The following SIDT2 variants were observed in gnomAD, a reference collection of about 807,000 sequenced individuals.
The protein encoded by SIDT2 is SID1 transmembrane family member 2, also known as SID1 transmembrane family, member 2.
SIDT2 carries 68 observed loss-of-function variants against 114.4 expected under a neutral mutation model. That is an observed-to-expected ratio of 0.59 (90% CI 0.49 to 0.73). The LOEUF (loss-of-function observed/expected upper bound fraction) is 0.73. Among genes scored for constraint, SIDT2 ranks in the 30% least tolerant of loss-of-function variants. The probability of loss-of-function intolerance (pLI) is 0.00; values close to 1 mark genes in which losing one functional copy is unlikely to be tolerated. For synonymous variants in SIDT2, 470 were observed against 438.4 expected, an observed-to-expected ratio of 1.07 and a Z score of -0.90; for missense variants, 918 against 1,097.1, an observed-to-expected ratio of 0.84 and a Z score of 2.31.
chr11:117,182,791 G>T lies in SIDT2; in HGVS notation c.687G>T (p.Ala229=). 1 of 1,613,904 alleles carries T rather than the reference G, an allele frequency of 6.2e-7. No individual in the cohort carries two copies. Among genetic ancestry groups the T allele is most frequent in the Non-Finnish European group, 8.5e-7 (1 of 1,179,926 alleles). ...TGTACCAGACGATGACCAAGAAGGC[G>T]GCCATCACCGTACAGGTAGGAAATG... The part of the protein sequence containing the change: ...IGMYQTMTKK[A]AITVQRKDFP... The change falls in exon 6 of 26, where the codon GCG becomes GCT. Residue 229 remains alanine, a synonymous_variant. Transcript: ENST00000324225.
rs1591769202 is a variant in SIDT2 at position 117,188,023 on chromosome 11, G to A, written c.1159+324G>A. 2 of 570,634 alleles carry A rather than the reference G, an allele frequency of 3.5e-6. No individual in the cohort carries two copies. Among genetic ancestry groups the A allele is most frequent in the Non-Finnish European group, 6.7e-6 (2 of 300,506 alleles). 35.3% of individuals were successfully genotyped at this position (570,634 alleles called of 1,614,324 possible). On this transcript the variant is annotated intron_variant, in intron 12 of 25. Coordinates refer to ENST00000324225, the MANE Select transcript of SIDT2 (RefSeq NM_001040455.2). This position sits in a 1 kb window ranked among gnomAD's most constrained non-coding sequence, Gnocchi z 4.0. The stretch of plus-strand genomic sequence containing the variant: ...TGCCGGCTCCGGTTGACTGCCGGCT[G>A]TGGGGCCAGAAAGATTCTATGTGCA...
At position 117,192,103 on chromosome 11, in the gene SIDT2, T is replaced by G. The variant is rs550044684; in HGVS notation, c.1872+89T>G. ...GTAGTGCACACCCTCCGCCACCTCC[T>G]GCATGAGAGATTCCTGCTCCTTCCC... On this transcript the variant is annotated intron_variant, in intron 19 of 25. Coordinates refer to ENST00000324225, the MANE Select transcript of SIDT2 (RefSeq NM_001040455.2). This position sits in a 1 kb window ranked among gnomAD's most constrained non-coding sequence, Gnocchi z 5.9. The G allele has an allele frequency of 2.3e-5, 37 of 1,584,546 alleles. No homozygotes were observed. In the East Asian group the frequency reaches 8.1e-4, roughly 35 times the overall value.
In SIDT2 at chr11:117,196,557, G is replaced by C. The variant is rs1341814338; in HGVS notation, c.*491G>C. On this transcript the variant is annotated 3_prime_UTR_variant, in exon 26 of 26. Transcript: ENST00000324225. The surrounding 1 kb of genome is among the most constrained non-coding windows in gnomAD (Gnocchi z 4.9). Reference sequence around the variant, plus strand: ...TCAGGGCCCCAGTTCTCTTTGGGCTGTCCCTGGCTGCCATCACTGCCCATT... The same window carrying C: ...TCAGGGCCCCAGTTCTCTTTGGGCTCTCCCTGGCTGCCATCACTGCCCATT... The C allele has an allele frequency of 5.8e-6, 1 of 171,780 alleles. No individual in the cohort carries two copies. The allele number at this position is 171,780 out of a possible 1,614,324, so 10.6% of individuals were successfully genotyped here.
At chr11:117,179,512 C>A in intron 1 of SIDT2, 66 bp downstream of exon 1, 2 of 1,527,832 alleles carry the variant, frequency 1.3e-6, no homozygotes, top group Non-Finnish European at 1.8e-6. Flanking sequence ...GCGATTCTGC[C>A]GCCCCGCTAC....
chr11:117,189,277 G>T, intron 14 of SIDT2, 35 bp downstream of exon 14: 1 of 1,614,072 alleles, frequency 6.2e-7, no homozygotes, highest in Non-Finnish European at 8.5e-7. Flanking sequence ...TCTGCTGTTG[G>T]TGGGTGTGTG....
At chr11:117,180,937 C>T (rs1407269926) in intron 1 of SIDT2, among the ~76,000 whole-genome samples, 1 of 152,204 alleles carries the variant, frequency 6.6e-6, no homozygotes, top group East Asian at 1.9e-4. Flanking sequence ...AATACCTACC[C>T]CTCCTCAACT....
intron 4 of SIDT2, 156 bp from the exon 5 acceptor site, chr11:117,182,363 G>T (rs376905899): frequency 2.7e-5 from 20 of 737,652 alleles, no homozygotes; most frequent in African/African-American, 2.6e-4. Context: ...ACAGAGAAAG[G>T]GGCTGCTGTG....
chr11:117,192,372 CGCCCGGGGCAGG>C lies in SIDT2; in HGVS notation c.1981+14_1981+25del, dbSNP rs1565288814. 5 of 1,551,266 alleles carry C rather than the reference CGCCCGGGGCAGG, an allele frequency of 3.2e-6. No individual in the cohort carries two copies. On this transcript the variant is annotated intron_variant, in intron 20 of 25. Coordinates refer to ENST00000324225, the MANE Select transcript of SIDT2 (RefSeq NM_001040455.2). This position sits in a 1 kb window ranked among gnomAD's most constrained non-coding sequence, Gnocchi z 5.9. ...GGCCGGTGGAAACTGGGTAAGGGCA[CGCCCGGGGCAGG>C]GCCTGGGGGAGGGGTCTGGGGGGCC...
Position 117,183,814 on chromosome 11 carries a change from G to A in SIDT2, c.738G>A (p.Val246=). ...KDFPSNSFYV[V]VVVKTEDQAC... ...TCCCCAGCAACAGCTTTTATGTGGT[G>A]GTGGTGGTGAAGACCGAAGACCAAG... Residue 246 remains valine, a synonymous_variant, in exon 7 of 26, where the codon GTG becomes GTA. Transcript: ENST00000324225. 1 of 1,614,050 alleles carries A rather than the reference G, an allele frequency of 6.2e-7. No homozygotes were observed. Among genetic ancestry groups the A allele is most frequent in the Non-Finnish European group, 8.5e-7 (1 of 1,179,924 alleles).
intron 25 of SIDT2, 32 bp from the exon 26 acceptor site, chr11:117,195,969 CCTT>C (rs1313002438): frequency 6.2e-7 from 1 of 1,614,248 alleles, no homozygotes. Context: ...GCAGCTGCCT[CCTT>C]CTCTGTGGCT....
intron 10 of SIDT2, chr11:117,186,964 C>G (rs189989676): frequency 1.4e-6 from 2 of 1,470,318 alleles, no homozygotes; most frequent in African/African-American, 2.8e-5. Context: ...TCTGTCCTCC[C>G]TCCTGCGTGG....
In SIDT2 at chr11:117,189,570, TG is replaced by T. The variant is rs1196206125; in HGVS notation, c.1419+170del. 18 of 679,968 alleles carry T rather than the reference TG, an allele frequency of 2.6e-5. No homozygotes were observed. The East Asian group carries it at 4.6e-4, about 17-fold the overall frequency. 42.1% of individuals were successfully genotyped at this position (679,968 alleles called of 1,614,324 possible). ...GCAAATCACATAACCCCCCCAACCC[TG>T]AGTGTCAGTTTCTTCATCTGCAAAA... On this transcript the variant is annotated intron_variant, in intron 15 of 25. Coordinates refer to ENST00000324225, the MANE Select transcript of SIDT2 (RefSeq NM_001040455.2).
chr11:117,182,440 T>C lies in SIDT2; in HGVS notation c.517-79T>C, dbSNP rs183032844. The C allele has an allele frequency of 9.8e-5, 127 of 1,301,320 alleles. No individual in the cohort carries two copies. The Admixed American group carries it at 1.0e-3, about 10-fold the overall frequency. The allele number at this position is 1,301,320 out of a possible 1,614,324, so 80.6% of individuals were successfully genotyped here. Reference sequence around the variant, plus strand: ...TCAGAGGATTCTGGGTCCTCGCTTATAGGGGACTATTCCCTTCTAGAGGGG... The same window carrying C: ...TCAGAGGATTCTGGGTCCTCGCTTACAGGGGACTATTCCCTTCTAGAGGGG... On this transcript the variant is annotated intron_variant, in intron 4 of 25. Transcript: ENST00000324225.
chr11:117,178,994 T>C lies in SIDT2; in HGVS notation c.-270T>C. 1 of 499,982 alleles carries C rather than the reference T, an allele frequency of 2.0e-6. No individual in the cohort carries two copies. Among genetic ancestry groups the C allele is most frequent in the Non-Finnish European group, 3.6e-6 (1 of 278,960 alleles). The allele number at this position is 499,982 out of a possible 1,614,324, so 31.0% of individuals were successfully genotyped here. On this transcript the variant is annotated 5_prime_UTR_variant, in exon 1 of 26. Coordinates refer to ENST00000324225, the MANE Select transcript of SIDT2 (RefSeq NM_001040455.2). Reference sequence around the variant, plus strand: ...GGGGCTCCAGGGTCTCAGGTCGTACTCAGCCCCTCGCGAGCTGGGACCCCT... The same window carrying C: ...GGGGCTCCAGGGTCTCAGGTCGTACCCAGCCCCTCGCGAGCTGGGACCCCT...
intron 1 of SIDT2, among the ~76,000 whole-genome samples, chr11:117,180,531 C>CTTTTTTT (rs35242634): frequency 1.2e-3 from 98 of 82,384 alleles, no homozygotes; most frequent in East Asian, 2.3e-3. Context: ...ATCACTTTAT[C>CTTTTTTT]TTTTTTTTTT....
chr11:117,195,949 C>G, intron 25 of SIDT2, 34 bp downstream of exon 25: 1 of 1,614,208 alleles, frequency 6.2e-7, no homozygotes, highest in South Asian at 1.1e-5. Context: ...CGGGTGGGTA[C>G]GTGAAGGTAG....
At position 117,192,397 on chromosome 11, in the gene SIDT2, G is replaced by A. The variant is rs1268467343; in HGVS notation, c.1981+35G>A. The A allele has an allele frequency of 6.8e-7, 1 of 1,461,218 alleles. No homozygotes were observed. 90.5% of individuals were successfully genotyped at this position (1,461,218 alleles called of 1,614,324 possible). A position where few individuals can be genotyped will look rare whatever the true frequency, so the allele number is the denominator to read the frequency against. On this transcript the variant is annotated intron_variant, in intron 20 of 25. Transcript: ENST00000324225. This position sits in a 1 kb window ranked among gnomAD's most constrained non-coding sequence, Gnocchi z 5.9. ...CGCCCGGGGCAGGGCCTGGGGGAGG[G>A]GTCTGGGGGGCCTTGGGAACCCGGA... is the stretch of plus-strand genomic sequence containing the variant.
chr11:117,191,018 C>T (rs1195348316), intron 18 of SIDT2: 3 of 268,892 alleles, frequency 1.1e-5, no homozygotes, highest in Non-Finnish European at 2.1e-5. Context: ...TGGCTCACGC[C>T]TGTAATCCCA....
intron 2 of SIDT2, 29 bp downstream of exon 2, chr11:117,181,566 G>A (rs753280724): frequency 6.8e-6 from 11 of 1,613,480 alleles, no homozygotes; most frequent in South Asian, 6.6e-5. Flanking sequence ...TCAGGGAAGC[G>A]GGGCAGCCTA....
Sources: gnomAD v4.1 joint callset for allele counts (sites outside exome capture counted in the v4.1 genomes callset) on GRCh38, gnomAD v4.1.1 for gene constraint, Gnocchi (gnomAD v3.1) non-coding constraint, MANE v1.5 for transcripts, NCBI Gene and HGNC (gene_info 2026-07-23, HGNC 2026-07-21) for gene names.